The following KCNJ6 variants were observed in gnomAD, a reference collection of about 807,000 sequenced individuals.
KCNJ6 encodes the protein G protein-activated inward rectifier potassium channel 2.
Under a neutral mutation model 34.2 loss-of-function variants are expected in KCNJ6, and 9 were observed. The ratio of observed to expected loss-of-function variants is 0.26; its 90% CI spans 0.16 to 0.46. KCNJ6 has a LOEUF of 0.46. Among genes scored for constraint, KCNJ6 ranks in the 20% least tolerant of loss-of-function variants. KCNJ6 has a pLI of 1.00. For synonymous variants in KCNJ6, 196 were observed against 207.1 expected (o/e 0.95, Z 0.46); for missense variants, 236 against 531.3 (o/e 0.44, Z 5.46).
rs2055895170 is a variant in KCNJ6 at position 37,916,445 on chromosome 21, C to A, written c.-589G>T. The stretch of plus-strand genomic sequence containing the variant: ...TGGCAGCGCACGAAGCGACGCGGCT[C>A]CGAGATAAAAGCGAGTGCAGCGCCG... On this transcript the variant is annotated 5_prime_UTR_variant, in exon 1 of 4. Coordinates refer to ENST00000609713, the MANE Select transcript of KCNJ6 (RefSeq NM_002240.5). 1 of 152,142 alleles carries A rather than the reference C, an allele frequency of 6.6e-6. No homozygotes were observed. The highest frequency in any genetic ancestry group is 3.2e-3 in the Middle Eastern group (1 of 316). The allele number at this position is 152,142 out of a possible 1,614,324, so 9.4% of individuals were successfully genotyped here.
Position 37,624,895 on chromosome 21 carries a change from T to A in KCNJ6, c.*264A>T. ...AACTGAAATCTCCAGGAGTTGGATG[T>A]GTAGTATTTTGGGAGGAGACCAGGC... On this transcript the variant is annotated 3_prime_UTR_variant, in exon 4 of 4. Transcript: ENST00000609713. 2.0e-6 allele frequency: 1 copy of A among 499,894 alleles called. No homozygotes were observed. The highest frequency in any genetic ancestry group is 3.5e-6 in the Non-Finnish European group (1 of 281,844). The allele number at this position is 499,894 out of a possible 1,614,324, so 31.0% of individuals were successfully genotyped here. A position where few individuals can be genotyped will look rare whatever the true frequency, so the allele number is the denominator to read the frequency against.
chr21:37,813,963 G>GACA (rs150724648), intron 2 of KCNJ6, among the ~76,000 whole-genome samples: 49,210 of 151,930 alleles, frequency 0.32, 9,099 homozygotes, highest in South Asian at 0.4. Context: ...AAAGTGAAGA[G>GACA]ACAACCCACA....
chr21:37,785,140 C>T (rs1377793419), intron 2 of KCNJ6, among the ~76,000 whole-genome samples: 1 of 152,110 alleles, frequency 6.6e-6, no homozygotes, highest in Non-Finnish European at 1.5e-5. Context: ...CCTGAGATTC[C>T]AACAGTCTCC....
chr21:37,704,660 G>A (rs78255541), intron 3 of KCNJ6, among the ~76,000 whole-genome samples: 77,424 of 150,386 alleles, frequency 0.51, 21,402 homozygotes, highest in East Asian at 0.8. Context: ...ATGAGTCGTC[G>A]TCATCATCAT....
chr21:37,685,659 C>T (rs1206757579), intron 3 of KCNJ6, among the ~76,000 whole-genome samples: 3 of 92,570 alleles, frequency 3.2e-5, no homozygotes, highest in African/African-American at 1.2e-4. Context: ...CCAGCCTGGG[C>T]GACAGAGTGA....
At chr21:37,710,224 G>C (rs2054744349) in intron 3 of KCNJ6, among the ~76,000 whole-genome samples, 1 of 152,174 alleles carries the variant, frequency 6.6e-6, no homozygotes, top group Admixed American at 6.5e-5. Flanking sequence ...TTGAACACTT[G>C]GTAGATGTTG....
At chr21:37,659,920 T>A (rs1437972359) in intron 3 of KCNJ6, among the ~76,000 whole-genome samples, 1 of 152,256 alleles carries the variant, frequency 6.6e-6, no homozygotes, top group African/African-American at 2.4e-5. Context: ...CCCTCTGTAA[T>A]GTTTAAAATG....
At chr21:37,688,713 A>G (rs969285285) in intron 3 of KCNJ6, among the ~76,000 whole-genome samples, 1 of 152,226 alleles carries the variant, frequency 6.6e-6, no homozygotes. Context: ...CAGATGCCAG[A>G]TAAGGCACCA....
intron 2 of KCNJ6, among the ~76,000 whole-genome samples, chr21:37,718,781 G>T (rs2014565): frequency 0.22 from 34,123 of 151,962 alleles, 3,925 homozygotes; most frequent in African/African-American, 0.27. Flanking sequence ...AAACCTGCAC[G>T]TTGTGCACAG....
chr21:37,878,372 T>C (rs1214980632), intron 1 of KCNJ6, among the ~76,000 whole-genome samples: 1 of 152,242 alleles, frequency 6.6e-6, no homozygotes, highest in East Asian at 1.9e-4. Context: ...GAATTGAAAT[T>C]CTAAGCAAAT....
intron 1 of KCNJ6, among the ~76,000 whole-genome samples, chr21:37,861,605 C>T (rs1422009966): frequency 6.6e-6 from 1 of 152,166 alleles, no homozygotes; most frequent in Non-Finnish European, 1.5e-5. Context: ...TGTATCTCAG[C>T]AGGCAGACAT....
At chr21:37,838,884 C>G (rs1452434614) in intron 2 of KCNJ6, among the ~76,000 whole-genome samples, 1 of 152,192 alleles carries the variant, frequency 6.6e-6, no homozygotes, top group Non-Finnish European at 1.5e-5. Context: ...CAGTGCTGCT[C>G]TAGTGATACT....
chr21:37,723,915 T>C (rs2054840099), intron 2 of KCNJ6, among the ~76,000 whole-genome samples: 2 of 150,930 alleles, frequency 1.3e-5, no homozygotes, highest in South Asian at 2.1e-4. Flanking sequence ...AAAATACAAA[T>C]TGACTGATAG....
At chr21:37,725,716 T>C (rs567682068) in intron 2 of KCNJ6, among the ~76,000 whole-genome samples, 6 of 152,346 alleles carry the variant, frequency 3.9e-5, no homozygotes, top group African/African-American at 1.4e-4. Context: ...AGGGATGTAG[T>C]ACAGCCTCTT....
rs113890043 is a variant in KCNJ6, at chr21:37,756,689, G to A, written c.26-41558C>T. Among the ~76,000 whole-genome samples the A allele has an allele frequency of 7.5e-3, 635 of 85,214 alleles. 1 individual carries two copies. The highest frequency in any genetic ancestry group is 0.014 in the South Asian group (33 of 2,328). The allele number at this position is 85,214 out of a possible 152,430, so 55.9% of individuals were successfully genotyped here. A position where few individuals can be genotyped will look rare whatever the true frequency, so the allele number is the denominator to read the frequency against. On this transcript the variant is annotated intron_variant, in intron 2 of 3. Coordinates refer to ENST00000609713, the MANE Select transcript of KCNJ6 (RefSeq NM_002240.5). ...CCTGGAGTGAGCACTCCCTCACAGC[G>A]TGATGATTCCAGCCTGGAGTGAGCA...
At chr21:37,819,515 TCC>T (rs2055363818) in intron 2 of KCNJ6, among the ~76,000 whole-genome samples, 1 of 152,106 alleles carries the variant, frequency 6.6e-6, no homozygotes, top group South Asian at 2.1e-4. Flanking sequence ...AAAAAAAACT[TCC>T]CAGAACCTTA....
chr21:37,738,898 C>A (rs1240447009), intron 2 of KCNJ6, among the ~76,000 whole-genome samples: 1 of 152,202 alleles, frequency 6.6e-6, no homozygotes, highest in East Asian at 1.9e-4. Context: ...CCTCTTTAAT[C>A]TGCAAATTCC....
chr21:37,878,331 T>G (rs1462358793), intron 1 of KCNJ6, among the ~76,000 whole-genome samples: 1 of 152,072 alleles, frequency 6.6e-6, no homozygotes, highest in Non-Finnish European at 1.5e-5. Flanking sequence ...TTTATCAATA[T>G]CCTCATATTC....
chr21:37,808,802 G>T (rs2055306449), intron 2 of KCNJ6, among the ~76,000 whole-genome samples: 2 of 152,220 alleles, frequency 1.3e-5, no homozygotes, highest in East Asian at 3.9e-4. Flanking sequence ...TCTTGGGCTA[G>T]CTCTCCCAGA....
Sources: gnomAD v4.1 joint callset for allele counts (sites outside exome capture counted in the v4.1 genomes callset) on GRCh38, gnomAD v4.1.1 for gene constraint, MANE v1.5 for transcripts, NCBI Gene and HGNC (gene_info 2026-07-23, HGNC 2026-07-21) for gene names.